The following CTNNA3 variants were observed in gnomAD, a reference collection of about 807,000 sequenced individuals.
The protein encoded by CTNNA3 is catenin alpha 3.
A neutral mutation model predicts 95.7 loss-of-function variants in CTNNA3; 76 were observed. The observed-to-expected ratio is 0.79, with a 90% CI of 0.66 to 0.96. CTNNA3 has a LOEUF of 0.96. CTNNA3 is among the 40% of genes least tolerant of loss of function. The pLI, the probability that CTNNA3 is intolerant of heterozygous loss-of-function variation, is 0.00. For missense variants in CTNNA3, 1,191 were observed against 1,089.8 expected (o/e 1.09, Z -1.31); for synonymous variants, 431 against 374.4 (o/e 1.15, Z -1.74).
intron 17 of CTNNA3, among the ~76,000 whole-genome samples, chr10:65,965,336 G>T (rs543555485): frequency 1.2e-4 from 17 of 143,766 alleles, no homozygotes; most frequent in Admixed American, 2.1e-4. Context: ...TTATTGTGAA[G>T]ATTAACATAA....
At position 67,219,658 on chromosome 10, in the gene CTNNA3, G is replaced by A. The variant is rs748302865; in HGVS notation, c.792C>T (p.Thr264=). 1.9e-6 allele frequency: 3 copies of A among 1,614,056 alleles called. No individual in the cohort carries two copies. In the Admixed American group the frequency reaches 5.0e-5, roughly 27 times the overall value. The change falls in exon 6 of 18, where the codon ACC becomes ACT. Residue 264 remains threonine (T), a synonymous_variant. Coordinates refer to ENST00000433211, the MANE Select transcript of CTNNA3 (RefSeq NM_013266.4). Reference sequence around the variant, plus strand: ...GGGTTGCTGCCTGAGGTTCTGGTGGGGTTGTCATATTCTGGATCCCTTGTG... The same window carrying A: ...GGGTTGCTGCCTGAGGTTCTGGTGGAGTTGTCATATTCTGGATCCCTTGTG... ...NASQGIQNMT[T]PPEPQAATLG...
chr10:67,564,506 G>A (rs1841672954), intron 3 of CTNNA3, among the ~76,000 whole-genome samples: 2 of 84,408 alleles, frequency 2.4e-5, no homozygotes, highest in South Asian at 5.4e-4. Context: ...GGTGGGGGGA[G>A]GGGGGATGGA....
intron 12 of CTNNA3, among the ~76,000 whole-genome samples, chr10:66,307,097 A>G (rs1184092894): frequency 2.0e-5 from 3 of 152,186 alleles, no homozygotes; most frequent in Non-Finnish European, 4.4e-5. Context: ...CCCAGTTTAT[A>G]GATGAAGACA....
Position 66,696,156 on chromosome 10 carries a change from G to A in CTNNA3, c.1281+70108C>T, listed in dbSNP as rs1847755220. On this transcript the variant is annotated intron_variant, in intron 9 of 17. Coordinates refer to ENST00000433211, the MANE Select transcript of CTNNA3 (RefSeq NM_013266.4). ...TATCAAAATATAAATCACACTTTTA[G>A]CAGAAAAACCAATAGTTATATGAAT... 5.3e-5 allele frequency among the ~76,000 whole-genome samples: 8 copies of A among 152,214 alleles called. No individual in the cohort carries two copies. The South Asian group carries it at 1.7e-3, about 32-fold the overall frequency.
intron 15 of CTNNA3, among the ~76,000 whole-genome samples, chr10:66,008,352 G>GA (rs2078938261): frequency 6.6e-6 from 1 of 152,216 alleles, no homozygotes; most frequent in African/African-American, 2.4e-5. Context: ...CACTTAATTG[G>GA]AAAAAAATAT....
At chr10:66,913,409 A>G (rs1258706358) in intron 7 of CTNNA3, among the ~76,000 whole-genome samples, 2 of 152,148 alleles carry the variant, frequency 1.3e-5, no homozygotes, top group Non-Finnish European at 2.9e-5. Context: ...CTTGGGCTAC[A>G]GTCTTAATTC....
At chr10:65,975,693 T>C (rs922031321) in intron 16 of CTNNA3, among the ~76,000 whole-genome samples, 7 of 152,170 alleles carry the variant, frequency 4.6e-5, no homozygotes, top group Admixed American at 4.6e-4. Flanking sequence ...ATAACTTTAG[T>C]ACTCAAAGCA....
At chr10:66,711,614 T>C (rs1364615647) in intron 9 of CTNNA3, among the ~76,000 whole-genome samples, 1 of 152,120 alleles carries the variant, frequency 6.6e-6, no homozygotes, top group Non-Finnish European at 1.5e-5. Flanking sequence ...AATGGCGTGA[T>C]CTTGGCTCAC....
intron 5 of CTNNA3, among the ~76,000 whole-genome samples, chr10:67,225,855 G>A (rs1271108718): frequency 6.6e-6 from 1 of 152,122 alleles, no homozygotes; most frequent in Admixed American, 6.5e-5. Context: ...CACCAGCAAT[G>A]GATCCAAACC....
chr10:66,696,258 G>A (rs185794426), intron 9 of CTNNA3, among the ~76,000 whole-genome samples: 2 of 152,220 alleles, frequency 1.3e-5, no homozygotes, highest in East Asian at 3.9e-4. Context: ...CAGTGTTTCA[G>A]AAACTGGTTT....
At chr10:66,238,128 G>A (rs1026895656) in intron 13 of CTNNA3, among the ~76,000 whole-genome samples, 2 of 151,928 alleles carry the variant, frequency 1.3e-5, no homozygotes, top group Admixed American at 6.6e-5. Context: ...ATATAAAGCA[G>A]GTTCACCCTA....
chr10:66,535,855 A>G (rs937665429), intron 10 of CTNNA3, among the ~76,000 whole-genome samples: 3 of 152,302 alleles, frequency 2.0e-5, no homozygotes, highest in African/African-American at 7.2e-5. Context: ...ATTATGAAGG[A>G]ATCAAGGACA....
chr10:66,448,941 T>C (rs1179208940), intron 11 of CTNNA3, among the ~76,000 whole-genome samples: 1 of 152,142 alleles, frequency 6.6e-6, no homozygotes, highest in African/African-American at 2.4e-5. Flanking sequence ...CCCACAATAA[T>C]CAGATGAGAT....
At chr10:66,075,100 A>G (rs1004316779) in intron 14 of CTNNA3, among the ~76,000 whole-genome samples, 5 of 151,822 alleles carry the variant, frequency 3.3e-5, no homozygotes, top group African/African-American at 1.2e-4. Flanking sequence ...GGTCCTTATT[A>G]TTCCTCCAAG....
chr10:67,593,808 G>A (rs1176718423), intron 3 of CTNNA3, among the ~76,000 whole-genome samples: 2 of 152,130 alleles, frequency 1.3e-5, no homozygotes, highest in African/African-American at 4.8e-5. Flanking sequence ...GAATAGGAGT[G>A]ATGAGGGTGG....
chr10:67,197,235 T>C (rs967300290), intron 6 of CTNNA3, among the ~76,000 whole-genome samples: 17 of 152,088 alleles, frequency 1.1e-4, no homozygotes, highest in Non-Finnish European at 1.5e-5. Flanking sequence ...TTTATGTCAA[T>C]TGTTATTCCT....
intron 5 of CTNNA3, among the ~76,000 whole-genome samples, chr10:67,347,722 G>A (rs1046648036): frequency 1.3e-5 from 2 of 150,690 alleles, no homozygotes; most frequent in African/African-American, 4.9e-5. Flanking sequence ...GTTTTGAGGT[G>A]TATCCAGAAA....
chr10:66,827,964 A>C (rs888019413), intron 7 of CTNNA3, among the ~76,000 whole-genome samples: 2 of 152,192 alleles, frequency 1.3e-5, no homozygotes, highest in Non-Finnish European at 1.5e-5. Context: ...AGTGGGTAAA[A>C]TTGAGGTACT....
intron 12 of CTNNA3, among the ~76,000 whole-genome samples, chr10:66,287,373 A>T (rs889374909): frequency 2.6e-5 from 4 of 152,108 alleles, no homozygotes; most frequent in African/African-American, 9.7e-5. Flanking sequence ...CACTTCTAAA[A>T]TCCTGACAGA....
Sources: gnomAD v4.1 joint callset for allele counts (sites outside exome capture counted in the v4.1 genomes callset) on GRCh38, gnomAD v4.1.1 for gene constraint, MANE v1.5 for transcripts, NCBI Gene and HGNC (gene_info 2026-07-23, HGNC 2026-07-21) for gene names.